RELN: variants seen among roughly 807,000 people sequenced by gnomAD.
RELN encodes the protein reelin.
A neutral mutation model predicts 427.6 loss-of-function variants in RELN; 108 were observed. That is an observed-to-expected ratio of 0.25 (90% CI 0.22 to 0.30). RELN has a LOEUF of 0.30. Ranked by LOEUF, RELN falls within the 10% of genes least tolerant of loss-of-function variation. The pLI is 1.00. For synonymous variants in RELN, 1,524 were observed against 1,513.4 expected (o/e 1.01, Z -0.16); for missense variants, 3,715 against 4,302.8 (o/e 0.86, Z 3.82).
At chr7:103,964,737 C>T (rs1796628213) in intron 1 of RELN, among the ~76,000 whole-genome samples, 1 of 152,208 alleles carries the variant, frequency 6.6e-6, no homozygotes. Context: ...TATCACTTTA[C>T]AGTCCCCAAG....
At chr7:103,755,595 G>A (rs367998667) in intron 4 of RELN, among the ~76,000 whole-genome samples, 10 of 143,174 alleles carry the variant, frequency 7.0e-5, no homozygotes, top group East Asian at 6.1e-4. Flanking sequence ...GGGACAGAGC[G>A]AGACTCTGTC....
At chr7:103,881,379 C>T (rs1460249643) in intron 2 of RELN, among the ~76,000 whole-genome samples, 2 of 152,072 alleles carry the variant, frequency 1.3e-5, no homozygotes, top group Non-Finnish European at 2.9e-5. Context: ...ATGCCTGGCA[C>T]TTCTGATTTC....
intron 3 of RELN, among the ~76,000 whole-genome samples, chr7:103,819,108 A>G (rs1170830823): frequency 6.6e-6 from 1 of 152,160 alleles, no homozygotes; most frequent in Non-Finnish European, 1.5e-5. Context: ...GTCTCTGTAC[A>G]TATATGAATA....
chr7:103,479,586 T>C (rs950340859), intron 63 of RELN, among the ~76,000 whole-genome samples: 3 of 152,306 alleles, frequency 2.0e-5, no homozygotes, highest in East Asian at 3.9e-4. Flanking sequence ...CAAACAAGCA[T>C]GAGAGACTGC....
intron 51 of RELN, among the ~76,000 whole-genome samples, chr7:103,510,069 A>G (rs1351409349): frequency 6.6e-6 from 1 of 152,226 alleles, no homozygotes; most frequent in Non-Finnish European, 1.5e-5. Flanking sequence ...ACCATCGTGG[A>G]AGACAGTGTG....
chr7:103,501,357 C>A (rs186762664), intron 52 of RELN, among the ~76,000 whole-genome samples: 2 of 152,110 alleles, frequency 1.3e-5, no homozygotes, highest in Non-Finnish European at 2.9e-5. Flanking sequence ...AGCCCTCAGG[C>A]GGTCGGGAGG....
intron 17 of RELN, among the ~76,000 whole-genome samples, chr7:103,638,518 T>C (rs185409922): frequency 6.6e-6 from 1 of 151,468 alleles, no homozygotes; most frequent in African/African-American, 2.4e-5. Context: ...ATTCAATGAT[T>C]TGTTTAAAGG....
At chr7:103,485,672 A>T (rs1009388920) in intron 61 of RELN, among the ~76,000 whole-genome samples, 5 of 152,100 alleles carry the variant, frequency 3.3e-5, no homozygotes, top group African/African-American at 1.2e-4. Flanking sequence ...GTCTCTGCCC[A>T]CTCTACTCTG....
intron 4 of RELN, 118 bp from the exon 5 acceptor site, chr7:103,753,332 C>G: frequency 1.0e-6 from 1 of 996,578 alleles, no homozygotes; most frequent in African/African-American, 1.6e-5. Flanking sequence ...CAAATGGCTA[C>G]AGACTTTTTA....
In RELN at chr7:103,573,969, TAATC is replaced by T. The variant is rs1368684557; in HGVS notation, c.4511+119_4511+122del. On this transcript the variant is annotated intron_variant, in intron 30 of 64. Transcript: ENST00000428762. The surrounding 1 kb of genome is among the most constrained non-coding windows in gnomAD (Gnocchi z 4.4). ...AAGTTATCTTCATTTTTACATATCA[TAATC>T]TATATACAGAAACATTATTGTATAT... 1 of 823,272 alleles carries T rather than the reference TAATC, an allele frequency of 1.2e-6. No individual in the cohort carries two copies. Among genetic ancestry groups the T allele is most frequent in the African/African-American group, 1.7e-5 (1 of 58,620 alleles). The allele number at this position is 823,272 out of a possible 1,614,324, so 51.0% of individuals were successfully genotyped here.
intron 8 of RELN, among the ~76,000 whole-genome samples, chr7:103,702,269 T>TACAA (rs1834109894): frequency 6.6e-6 from 1 of 152,160 alleles, no homozygotes; most frequent in Non-Finnish European, 1.5e-5. Context: ...CAAACTTCAA[T>TACAA]ACAAACAAGA....
chr7:103,711,463 G>A (rs901721566), intron 8 of RELN, among the ~76,000 whole-genome samples: 1 of 152,108 alleles, frequency 6.6e-6, no homozygotes, highest in East Asian at 1.9e-4. Flanking sequence ...TTTCCACTTT[G>A]CTTAGCACGG....
At chr7:103,630,860 G>GTTTTTTTTTT (rs1224190919) in intron 19 of RELN, among the ~76,000 whole-genome samples, 9 of 134,482 alleles carry the variant, frequency 6.7e-5, no homozygotes, top group Admixed American at 2.3e-4. Flanking sequence ...TGTTTTTTTT[G>GTTTTTTTTTT]TTTTTTTTTT....
intron 31 of RELN, among the ~76,000 whole-genome samples, chr7:103,567,487 A>G (rs1006395098): frequency 6.6e-6 from 1 of 152,196 alleles, no homozygotes; most frequent in Non-Finnish European, 1.5e-5. Flanking sequence ...CGCAATGTTG[A>G]ATGAAAGGAA....
At chr7:103,952,554 TTC>T (rs145303514) in intron 1 of RELN, among the ~76,000 whole-genome samples, 108 of 149,292 alleles carry the variant, frequency 7.2e-4, no homozygotes, top group East Asian at 9.8e-4. Context: ...CTCTCACTCT[TTC>T]TCTCTCTCTC....
At chr7:103,967,338 A>C (rs1371469734) in intron 1 of RELN, among the ~76,000 whole-genome samples, 2 of 151,944 alleles carry the variant, frequency 1.3e-5, no homozygotes, top group Non-Finnish European at 2.9e-5. Flanking sequence ...AAACCAAAAC[A>C]CTTTCAATAT....
At chr7:103,511,863 A>C (rs992948210) in intron 50 of RELN, among the ~76,000 whole-genome samples, 2 of 152,198 alleles carry the variant, frequency 1.3e-5, no homozygotes, top group Admixed American at 6.5e-5. Context: ...TGTTTTAAAA[A>C]ATGAAATATA....
chr7:103,842,127 G>T (rs917337750), intron 2 of RELN, among the ~76,000 whole-genome samples: 1 of 152,036 alleles, frequency 6.6e-6, no homozygotes, highest in African/African-American at 2.4e-5. Flanking sequence ...GTTTAGCAAA[G>T]TTATCACCTT....
At chr7:103,695,452 G>C (rs571083798) in intron 10 of RELN, among the ~76,000 whole-genome samples, 1,706 of 152,172 alleles carry the variant, frequency 0.011, 34 homozygotes, top group African/African-American at 0.039. Flanking sequence ...TGATTGGAAA[G>C]CTTATGAGTA....
Sources: allele counts gnomAD v4.1 joint callset (sites outside exome capture counted in the v4.1 genomes callset), GRCh38; gene constraint gnomAD v4.1.1; non-coding constraint Gnocchi (gnomAD v3.1); transcripts MANE v1.5; gene names NCBI Gene and HGNC (gene_info 2026-07-23, HGNC 2026-07-21).